IGF2BP3: variants seen among roughly 807,000 people sequenced by gnomAD.
IGF2BP3 encodes the protein insulin-like growth factor 2 mRNA-binding protein 3.
A neutral mutation model predicts 73.8 loss-of-function variants in IGF2BP3; 9 were observed. The observed-to-expected ratio is 0.12, with a 90% CI of 0.07 to 0.21. IGF2BP3 has a LOEUF of 0.21. Ranked by LOEUF, IGF2BP3 falls within the 10% of genes least tolerant of loss-of-function variation. The probability of loss-of-function intolerance (pLI) is 1.00; values close to 1 mark genes in which losing one functional copy is unlikely to be tolerated. For synonymous variants in IGF2BP3, 258 were observed against 256.7 expected (o/e 1.01, Z -0.05); for missense variants, 542 against 714.0 (o/e 0.76, Z 2.75).
At chr7:23,366,954 A>C (rs541809242) in intron 3 of IGF2BP3, among the ~76,000 whole-genome samples, 1 of 151,308 alleles carries the variant, frequency 6.6e-6, no homozygotes, top group South Asian at 2.1e-4. Flanking sequence ...CAAAGAATAA[A>C]TACAACTTAC....
In IGF2BP3 at chr7:23,317,819, A is replaced by G. The variant is rs145660960; in HGVS notation, c.1321-106T>C. 1.7e-4 allele frequency: 157 copies of G among 912,602 alleles called. No homozygotes were observed. In the African/African-American group the frequency reaches 2.1e-3, roughly 12 times the overall value. 56.5% of individuals were successfully genotyped at this position (912,602 alleles called of 1,614,324 possible). ...ATGTGACTGGCTGAAATGCAGAATT[A>G]AAGCCTTCGTGAAGGAAATTAGGGA... On this transcript the variant is annotated intron_variant, in intron 11 of 14. Transcript: ENST00000258729.
At chr7:23,457,989 A>C (rs1018186658) in intron 2 of IGF2BP3, among the ~76,000 whole-genome samples, 1 of 152,200 alleles carries the variant, frequency 6.6e-6, no homozygotes, top group African/African-American at 2.4e-5. Context: ...AAAGAGAACA[A>C]AGATCTTCCA....
intron 2 of IGF2BP3, among the ~76,000 whole-genome samples, chr7:23,456,247 C>T (rs941150269): frequency 6.6e-6 from 1 of 151,408 alleles, no homozygotes; most frequent in African/African-American, 2.4e-5. Context: ...CTGGGGAGAG[C>T]TCAGTCACTT....
At chr7:23,332,955 G>C (rs1583897024) in intron 10 of IGF2BP3, among the ~76,000 whole-genome samples, 1 of 152,192 alleles carries the variant, frequency 6.6e-6, no homozygotes. Context: ...GGGGAAGCTG[G>C]TGGTGATAAA....
intron 10 of IGF2BP3, among the ~76,000 whole-genome samples, chr7:23,339,582 T>C (rs867805983): frequency 1.3e-5 from 2 of 152,216 alleles, no homozygotes; most frequent in Non-Finnish European, 2.9e-5. Flanking sequence ...CTGTGATCAC[T>C]TGTAATGTGA....
chr7:23,357,762 T>TA lies in IGF2BP3; in HGVS notation c.401+3771dup, dbSNP rs1312538775. Among the ~76,000 whole-genome samples the TA allele has an allele frequency of 4.6e-5, 7 of 152,398 alleles. No individual in the cohort carries two copies. The East Asian group carries it at 1.3e-3, about 29-fold the overall frequency. ...AATGAACACATGTATTAATATTTTCTAAAATATGTGTACTATTAACCTTTG... is the reference window on the plus strand; with the variant it reads ...AATGAACACATGTATTAATATTTTCTAAAAATATGTGTACTATTAACCTTTG... On this transcript the variant is annotated intron_variant, in intron 5 of 14. Coordinates refer to ENST00000258729, the MANE Select transcript of IGF2BP3 (RefSeq NM_006547.3).
At chr7:23,388,707 G>A (rs948516226) in intron 3 of IGF2BP3, among the ~76,000 whole-genome samples, 1 of 150,448 alleles carries the variant, frequency 6.6e-6, no homozygotes, top group Non-Finnish European at 1.5e-5. Flanking sequence ...GTTAAAGTAA[G>A]GAATTTCTGA....
intron 3 of IGF2BP3, among the ~76,000 whole-genome samples, chr7:23,385,117 T>C (rs941831529): frequency 6.6e-6 from 1 of 152,196 alleles, no homozygotes; most frequent in East Asian, 1.9e-4. Context: ...AGTGTTTCAA[T>C]TAATAAATGA....
intron 2 of IGF2BP3, among the ~76,000 whole-genome samples, chr7:23,423,990 C>T (rs137956202): frequency 0.016 from 2,378 of 152,046 alleles, 75 homozygotes; most frequent in African/African-American, 0.055. Flanking sequence ...TGGTGGTATG[C>T]GCCTGCAATC....
At chr7:23,365,199 C>A (rs1303997180) in intron 3 of IGF2BP3, among the ~76,000 whole-genome samples, 1 of 150,378 alleles carries the variant, frequency 6.6e-6, no homozygotes, top group African/African-American at 2.4e-5. Flanking sequence ...GAAAGCCACA[C>A]TGATAGTAGA....
intron 2 of IGF2BP3, among the ~76,000 whole-genome samples, chr7:23,420,124 AAAAC>A (rs1787302945): frequency 6.6e-6 from 1 of 152,268 alleles, no homozygotes; most frequent in East Asian, 1.9e-4. Flanking sequence ...TATTAAAAAC[AAAAC>A]AAAAACTAGC....
intron 3 of IGF2BP3, among the ~76,000 whole-genome samples, chr7:23,384,303 G>C (rs559411205): frequency 1.1e-3 from 164 of 152,030 alleles, no homozygotes; most frequent in African/African-American, 3.7e-3. Context: ...GGGGTTCAGT[G>C]GGGGGAAAGA....
At chr7:23,353,573 A>C (rs2128505565) in intron 5 of IGF2BP3, among the ~76,000 whole-genome samples, 1 of 152,310 alleles carries the variant, frequency 6.6e-6, no homozygotes, top group East Asian at 1.9e-4. Flanking sequence ...CTACAAATGG[A>C]CCAGTCCTTT....
At chr7:23,365,331 GT>G (rs1361415503) in intron 3 of IGF2BP3, among the ~76,000 whole-genome samples, 20 of 152,088 alleles carry the variant, frequency 1.3e-4, no homozygotes, top group Admixed American at 1.3e-3. Flanking sequence ...AAAGCAATTT[GT>G]TCAGTAATTA....
chr7:23,375,550 C>T (rs1470382115), intron 3 of IGF2BP3, among the ~76,000 whole-genome samples: 1 of 152,172 alleles, frequency 6.6e-6, no homozygotes, highest in Non-Finnish European at 1.5e-5. Flanking sequence ...AGCAGAAAGG[C>T]AGGAATACCA....
At chr7:23,434,131 G>T (rs192443628) in intron 2 of IGF2BP3, among the ~76,000 whole-genome samples, 164 of 150,374 alleles carry the variant, frequency 1.1e-3, no homozygotes, top group African/African-American at 3.9e-3. Flanking sequence ...TATGGAATAC[G>T]TATTTTCCAC....
rs544335852 is a variant in IGF2BP3 at position 23,384,692 on chromosome 7, A to T, written c.286-22951T>A. Among the ~76,000 whole-genome samples, 6 of 152,168 alleles carry T rather than the reference A, an allele frequency of 3.9e-5. No homozygotes were observed. In the East Asian group the frequency reaches 1.2e-3, roughly 29 times the overall value. On this transcript the variant is annotated intron_variant, in intron 3 of 14. Transcript: ENST00000258729. Reference sequence around the variant, plus strand: ...GGTTACTTGAACCCAGGAGTTCAAGACCAGCCTGGGCAACATGGCAAAACC... The same window carrying T: ...GGTTACTTGAACCCAGGAGTTCAAGTCCAGCCTGGGCAACATGGCAAAACC...
At chr7:23,405,198 G>A (rs943121730) in intron 3 of IGF2BP3, 2 of 152,026 alleles carry the variant, frequency 1.3e-5, no homozygotes, top group Non-Finnish European at 2.9e-5. Flanking sequence ...AAATTTAAAA[G>A]GCATCAAAAA....
intron 10 of IGF2BP3, among the ~76,000 whole-genome samples, chr7:23,321,215 G>A (rs1443234875): frequency 6.6e-6 from 1 of 152,204 alleles, no homozygotes; most frequent in Non-Finnish European, 1.5e-5. Flanking sequence ...GTGGGTGCAT[G>A]CACCATGGGT....
Sources: allele counts gnomAD v4.1 joint callset (sites outside exome capture counted in the v4.1 genomes callset), GRCh38; gene constraint gnomAD v4.1.1; transcripts MANE v1.5; gene names NCBI Gene and HGNC (gene_info 2026-07-23, HGNC 2026-07-21).